COLGALT2: variants seen among roughly 807,000 people sequenced by gnomAD.
COLGALT2 encodes the protein collagen beta(1-O)galactosyltransferase 2.
A neutral mutation model predicts 73.4 loss-of-function variants in COLGALT2; 49 were observed. The ratio of observed to expected loss-of-function variants is 0.67; its 90% CI spans 0.53 to 0.85. The LOEUF (loss-of-function observed/expected upper bound fraction) is 0.85, where lower values mean the gene tolerates loss of function less well. Ranked by LOEUF, COLGALT2 falls within the 40% of genes least tolerant of loss-of-function variation. The pLI is 0.00. For missense variants in COLGALT2, 722 were observed against 790.2 expected (o/e 0.91, Z 1.03); for synonymous variants, 295 against 307.6 (o/e 0.96, Z 0.43).
At chr1:183,996,466 T>G (rs1411829291) in intron 1 of COLGALT2, among the ~76,000 whole-genome samples, 1 of 152,182 alleles carries the variant, frequency 6.6e-6, no homozygotes, top group Non-Finnish European at 1.5e-5. Flanking sequence ...TCCATGAAGA[T>G]GCAATAAGGA....
At chr1:183,968,006 A>T (rs1325527176) in intron 5 of COLGALT2, among the ~76,000 whole-genome samples, 2 of 152,268 alleles carry the variant, frequency 1.3e-5, no homozygotes, top group East Asian at 3.9e-4. Context: ...CAAATCTACA[A>T]CTGATGAGTG....
In COLGALT2 at chr1:184,037,440, A is replaced by G. The variant is rs577767819; in HGVS notation, c.-83T>C. 3.3e-3 allele frequency: 4,058 copies of G among 1,246,616 alleles called. 93 individuals carry two copies. In the African/African-American group the frequency reaches 0.055, roughly 17 times the overall value. 77.2% of individuals were successfully genotyped at this position (1,246,616 alleles called of 1,614,324 possible). A position where few individuals can be genotyped will look rare whatever the true frequency, so the allele number is the denominator to read the frequency against. On this transcript the variant is annotated 5_prime_UTR_variant, in exon 1 of 12. Coordinates refer to ENST00000361927, the MANE Select transcript of COLGALT2 (RefSeq NM_015101.4). ...CTGAGGGCGGCGGCGGCTGCCGGGGAGCAAGGGGCTGCGAGGGGCGGCCGG... is the reference window on the plus strand; with the variant it reads ...CTGAGGGCGGCGGCGGCTGCCGGGGGGCAAGGGGCTGCGAGGGGCGGCCGG...
At position 183,951,092 on chromosome 1, in the gene COLGALT2, G is replaced by T. The variant is rs775167400; in HGVS notation, c.1051C>A (p.Arg351Ser). 1.9e-6 allele frequency: 3 copies of T among 1,613,224 alleles called. No individual in the cohort carries two copies. Among genetic ancestry groups the T allele is most frequent in the South Asian group, 1.1e-5 (1 of 90,994 alleles). ...FDEIFMINLKRRKDRRDRMLR... is the reference protein window; with the variant it reads ...FDEIFMINLKSRKDRRDRMLR... ...ATCCGGTCCCGCCTGTCCTTTCTGCGTTTGAGGTTTATCATGAAAATCTAA... is the reference window on the plus strand; with the variant it reads ...ATCCGGTCCCGCCTGTCCTTTCTGCTTTTGAGGTTTATCATGAAAATCTAA... The change falls in exon 8 of 12, where the codon CGC (arginine) becomes AGC (serine). Residue 351 changes from arginine (R) to serine (S), a missense_variant. Arg to Ser is a moderately radical substitution (Grantham distance 110). Transcript: ENST00000361927.
intron 6 of COLGALT2, 28 bp downstream of exon 6, chr1:183,963,873 C>G (rs1416489952): frequency 3.9e-6 from 6 of 1,552,206 alleles, no homozygotes; most frequent in Non-Finnish European, 5.2e-6. Context: ...GGAACGAGAG[C>G]CATCCCCTCT....
intron 1 of COLGALT2, among the ~76,000 whole-genome samples, chr1:184,011,740 A>T (rs1648805278): frequency 6.6e-6 from 1 of 152,204 alleles, no homozygotes; most frequent in African/African-American, 2.4e-5. Context: ...CTACTTTTAG[A>T]TGGTGTAAAC....
chr1:183,961,946 T>A (rs554357284), intron 6 of COLGALT2, among the ~76,000 whole-genome samples: 2 of 152,302 alleles, frequency 1.3e-5, no homozygotes, highest in African/African-American at 4.8e-5. Flanking sequence ...TATTTCATCA[T>A]TTCATCATCA....
intron 1 of COLGALT2, among the ~76,000 whole-genome samples, chr1:184,001,031 C>T (rs1671908404): frequency 6.6e-6 from 1 of 151,968 alleles, no homozygotes; most frequent in African/African-American, 2.4e-5. Context: ...GACGGGGTTT[C>T]ACTGTGTTAG....
chr1:183,991,546 A>G (rs760615265), intron 1 of COLGALT2, among the ~76,000 whole-genome samples: 2 of 152,212 alleles, frequency 1.3e-5, no homozygotes, highest in African/African-American at 2.4e-5. Context: ...ACTGTTATCC[A>G]ATACCTGTTG....
chr1:183,942,596 G>A (rs1183215624), intron 10 of COLGALT2, among the ~76,000 whole-genome samples: 1 of 151,998 alleles, frequency 6.6e-6, no homozygotes, highest in African/African-American at 2.4e-5. Context: ...TTCTTTTCCT[G>A]GAAAGATGTA....
intron 6 of COLGALT2, among the ~76,000 whole-genome samples, chr1:183,957,774 G>A (rs1670592133): frequency 7.2e-6 from 1 of 138,576 alleles, no homozygotes; most frequent in African/African-American, 2.7e-5. Flanking sequence ...ACTTTTTTGT[G>A]GTGGTTTTTT....
At chr1:184,018,381 G>T (rs1228937298) in intron 1 of COLGALT2, among the ~76,000 whole-genome samples, 2 of 152,088 alleles carry the variant, frequency 1.3e-5, no homozygotes, top group African/African-American at 4.8e-5. Flanking sequence ...GTGATTTGTT[G>T]CCCTATAGTA....
At position 183,936,535 on chromosome 1, in the gene COLGALT2, T is replaced by A; in HGVS notation, c.*2226A>T. On this transcript the variant is annotated 3_prime_UTR_variant, in exon 12 of 12. Transcript: ENST00000361927. ...TGACAGGGGAACAGGAAAAAAAAAA[T>A]TCTCTATTAAACAAAACACCACAAA... 1.9e-6 allele frequency: 2 copies of A among 1,052,892 alleles called. No individual in the cohort carries two copies. The highest frequency in any genetic ancestry group is 2.3e-6 in the Non-Finnish European group (2 of 874,818). 65.2% of individuals were successfully genotyped at this position (1,052,892 alleles called of 1,614,324 possible).
chr1:183,979,117 G>T (rs2986557), intron 1 of COLGALT2, among the ~76,000 whole-genome samples: 95,853 of 151,996 alleles, frequency 0.63, 32,208 homozygotes, highest in Non-Finnish European at 0.77. Context: ...ACAAAATAGA[G>T]TATTTTCCAA....
chr1:183,966,898 G>T (rs756646519), intron 5 of COLGALT2, among the ~76,000 whole-genome samples: 1 of 152,220 alleles, frequency 6.6e-6, no homozygotes, highest in Non-Finnish European at 1.5e-5. Flanking sequence ...TGGGGCAATG[G>T]CTAGAGTCTG....
chr1:184,036,094 C>A (rs1348544578), intron 1 of COLGALT2, among the ~76,000 whole-genome samples: 2 of 152,202 alleles, frequency 1.3e-5, no homozygotes, highest in African/African-American at 4.8e-5. Context: ...GTGACCTGGG[C>A]TCTGTCTTCC....
At chr1:184,036,156 C>T (rs1649667122) in intron 1 of COLGALT2, among the ~76,000 whole-genome samples, 1 of 152,178 alleles carries the variant, frequency 6.6e-6, no homozygotes, top group Non-Finnish European at 1.5e-5. Context: ...GCACATCTCC[C>T]CTGGCCAGCA....
intron 1 of COLGALT2, among the ~76,000 whole-genome samples, chr1:183,990,889 A>T (rs1353411476): frequency 1.3e-5 from 2 of 152,234 alleles, no homozygotes; most frequent in African/African-American, 4.8e-5. Flanking sequence ...GGTCCCTAGC[A>T]TCTTGCCCTC....
rs1307583205 is a variant in COLGALT2, at chr1:183,970,587, G to A, written c.628-1114C>T. Among the ~76,000 whole-genome samples the A allele has an allele frequency of 2.2e-4, 33 of 152,104 alleles. 1 individual carries two copies. The highest frequency in any genetic ancestry group is 2.2e-3 in the Admixed American group (33 of 15,266). On this transcript the variant is annotated intron_variant, in intron 4 of 11. Transcript: ENST00000361927. The stretch of plus-strand genomic sequence containing the variant: ...ATGCCGACCCCATGATAAGGGAGGA[G>A]GATCAAAAATGAGGACTCAGAAGAT...
rs75827324 is a variant in COLGALT2 at position 183,999,347 on chromosome 1, G to A, written c.264-20827C>T. Among the ~76,000 whole-genome samples the A allele has an allele frequency of 4.8e-3, 724 of 151,958 alleles. 8 individuals are homozygous for A. The highest frequency in any genetic ancestry group is 0.016 in the African/African-American group (683 of 41,458). ...TGCAGTATCTTTTTGCTATGTTGTC[G>A]GATTTGGTTTATTAGTACTTTGCTT... On this transcript the variant is annotated intron_variant, in intron 1 of 11. Coordinates refer to ENST00000361927, the MANE Select transcript of COLGALT2 (RefSeq NM_015101.4).
Sources: gnomAD v4.1 joint callset for allele counts (sites outside exome capture counted in the v4.1 genomes callset) on GRCh38, gnomAD v4.1.1 for gene constraint, MANE v1.5 for transcripts, NCBI Gene and HGNC (gene_info 2026-07-23, HGNC 2026-07-21) for gene names.